Variants in SLC9A8 observed in about 807,000 individuals in gnomAD.
SLC9A8 encodes solute carrier family 9 member A8.
A neutral mutation model predicts 66.6 loss-of-function variants in SLC9A8; 48 were observed. The observed-to-expected ratio is 0.72, with a 90% CI of 0.57 to 0.92. SLC9A8 has a LOEUF of 0.92. Among genes scored for constraint, SLC9A8 ranks in the 40% least tolerant of loss-of-function variants. The pLI is 0.00. For synonymous variants in SLC9A8, 274 were observed against 282.6 expected (o/e 0.97, Z 0.31); for missense variants, 599 against 747.3 (o/e 0.80, Z 2.31).
intron 8 of SLC9A8, among the ~76,000 whole-genome samples, chr20:49,855,937 C>T (rs1212031674): frequency 1.3e-5 from 2 of 151,946 alleles, no homozygotes; most frequent in African/African-American, 2.4e-5. Flanking sequence ...CTTACAGGCA[C>T]GTGCCATCAC....
intron 10 of SLC9A8, among the ~76,000 whole-genome samples, chr20:49,865,738 C>T (rs1427920560): frequency 6.6e-6 from 1 of 152,200 alleles, no homozygotes; most frequent in Non-Finnish European, 1.5e-5. Context: ...AAGCTTGCGT[C>T]CACAGCTTGT....
At chr20:49,866,976 C>G (rs752645008) in intron 10 of SLC9A8, among the ~76,000 whole-genome samples, 26 of 152,172 alleles carry the variant, frequency 1.7e-4, no homozygotes, top group Non-Finnish European at 3.1e-4. Flanking sequence ...TTCCATTTCT[C>G]TCTTCATCAT....
intron 10 of SLC9A8, among the ~76,000 whole-genome samples, chr20:49,871,066 T>C (rs1233926756): frequency 6.6e-6 from 1 of 152,216 alleles, no homozygotes; most frequent in Non-Finnish European, 1.5e-5. Flanking sequence ...ATTGAAGTGT[T>C]AATAGTAGTT....
chr20:49,829,026 A>G (rs1600658268), intron 3 of SLC9A8: 1 of 142,090 alleles, frequency 7.0e-6, no homozygotes, highest in South Asian at 2.2e-4. Flanking sequence ...TTTGAGAGAG[A>G]GAGAACTTGT....
At chr20:49,823,009 A>C (rs1048927896) in intron 2 of SLC9A8, 52 bp from the exon 3 acceptor site, 2 of 1,449,562 alleles carry the variant, frequency 1.4e-6, no homozygotes, top group Admixed American at 3.4e-5. Flanking sequence ...GGTGTTTATC[A>C]TTCAGAATTG....
At position 49,856,333 on chromosome 20, in the gene SLC9A8, G is replaced by T. The variant is rs145086152; in HGVS notation, c.713+752G>T. On this transcript the variant is annotated intron_variant, in intron 8 of 15. Coordinates refer to ENST00000361573, the MANE Select transcript of SLC9A8 (RefSeq NM_015266.3). ...TTGGCAACAAAAGCAATAGACAGAG[G>T]CCCCACTAGCTGATGCATGTCACCT... Among the ~76,000 whole-genome samples, 4 of 152,270 alleles carry T rather than the reference G, an allele frequency of 2.6e-5. No individual in the cohort carries two copies. In the East Asian group the frequency reaches 5.8e-4, roughly 22 times the overall value.
At chr20:49,823,259 C>T in intron 3 of SLC9A8, 118 bp downstream of exon 3, 2 of 803,664 alleles carry the variant, frequency 2.5e-6, no homozygotes, top group East Asian at 2.5e-5. Flanking sequence ...TCATTTGATC[C>T]TCACTGCAAC....
At chr20:49,860,988 T>C (rs2088710102) in intron 8 of SLC9A8, among the ~76,000 whole-genome samples, 1 of 152,150 alleles carries the variant, frequency 6.6e-6, no homozygotes, top group Non-Finnish European at 1.5e-5. Context: ...TGGGCAGGCC[T>C]GCGTGAAGGG....
At chr20:49,885,062 C>T (rs2089839531) in intron 14 of SLC9A8, among the ~76,000 whole-genome samples, 1 of 152,236 alleles carries the variant, frequency 6.6e-6, no homozygotes, top group African/African-American at 2.4e-5. Flanking sequence ...CTCCAATCTC[C>T]ATGCTCAGCT....
At chr20:49,854,505 C>T (rs905139844) in intron 7 of SLC9A8, among the ~76,000 whole-genome samples, 4 of 152,044 alleles carry the variant, frequency 2.6e-5, no homozygotes, top group Non-Finnish European at 4.4e-5. Flanking sequence ...AAGTGGCTCC[C>T]ACACCCACAC....
At chr20:49,815,796 C>G (rs17723974) in intron 2 of SLC9A8, among the ~76,000 whole-genome samples, 7,914 of 151,576 alleles carry the variant, frequency 0.052, 244 homozygotes, top group Middle Eastern at 0.077. Flanking sequence ...AAGTTCTACT[C>G]AAAGGAGTAT....
At chr20:49,834,469 G>GTA (rs148411294) in intron 3 of SLC9A8, among the ~76,000 whole-genome samples, 1,082 of 70,534 alleles carry the variant, frequency 0.015, 53 homozygotes, top group African/African-American at 0.019. Flanking sequence ...TATATACTGT[G>GTA]TATATATATA....
rs913325746 is a variant in SLC9A8, at chr20:49,886,562, G to T, written c.1492-190G>T. 2 of 606,404 alleles carry T rather than the reference G, an allele frequency of 3.3e-6. No homozygotes were observed. Among genetic ancestry groups the T allele is most frequent in the Non-Finnish European group, 5.7e-6 (2 of 351,286 alleles). 37.6% of individuals were successfully genotyped at this position (606,404 alleles called of 1,614,324 possible). A position where few individuals can be genotyped will look rare whatever the true frequency, so the allele number is the denominator to read the frequency against. On this transcript the variant is annotated intron_variant, in intron 14 of 15. Transcript: ENST00000361573. This position sits in a 1 kb window ranked among gnomAD's most constrained non-coding sequence, Gnocchi z 4.8. ...CTAGGTGGGGTCCTGGGCATCCATTGTGCCCTGATGGACGTTCCTGCCTCC... is the reference window on the plus strand; with the variant it reads ...CTAGGTGGGGTCCTGGGCATCCATTTTGCCCTGATGGACGTTCCTGCCTCC...
At position 49,889,959 on chromosome 20, in the gene SLC9A8, C is replaced by T. The variant is rs1003610129; in HGVS notation, c.*2023C>T. On this transcript the variant is annotated 3_prime_UTR_variant, in exon 16 of 16. Coordinates refer to ENST00000361573, the MANE Select transcript of SLC9A8 (RefSeq NM_015266.3). ...CAGATCCCATTTCCGTCTGCCCCCTCGTCACCAGGTGTGATAGCCCCAGCC... is the reference window on the plus strand; with the variant it reads ...CAGATCCCATTTCCGTCTGCCCCCTTGTCACCAGGTGTGATAGCCCCAGCC... The T allele has an allele frequency of 1.3e-5, 2 of 152,256 alleles. No homozygotes were observed. Among genetic ancestry groups the T allele is most frequent in the South Asian group, 2.1e-4 (1 of 4,836 alleles). 9.4% of individuals were successfully genotyped at this position (152,256 alleles called of 1,614,324 possible).
At chr20:49,855,947 C>A (rs1169300500) in intron 8 of SLC9A8, among the ~76,000 whole-genome samples, 3 of 151,988 alleles carry the variant, frequency 2.0e-5, no homozygotes, top group African/African-American at 7.2e-5. Flanking sequence ...CGTGCCATCA[C>A]GCCCAGCTAA....
In SLC9A8 at chr20:49,888,528, C is replaced by T. The variant is rs560291867; in HGVS notation, c.*592C>T. 1.9e-5 allele frequency: 3 copies of T among 155,264 alleles called. No individual in the cohort carries two copies. The highest frequency in any genetic ancestry group is 4.3e-5 in the Non-Finnish European group (3 of 69,528). 9.6% of individuals were successfully genotyped at this position (155,264 alleles called of 1,614,324 possible). A position where few individuals can be genotyped will look rare whatever the true frequency, so the allele number is the denominator to read the frequency against. On this transcript the variant is annotated 3_prime_UTR_variant, in exon 16 of 16. Transcript: ENST00000361573. ...TTTGTCCTTTACCTGATTGGCACTT[C>T]GCAGTCTATCTCCCTGGGTAGCAGA...
intron 3 of SLC9A8, among the ~76,000 whole-genome samples, chr20:49,832,108 C>G (rs2087225025): frequency 6.6e-6 from 1 of 152,162 alleles, no homozygotes; most frequent in Non-Finnish European, 1.5e-5. Context: ...CTCCAGCCTG[C>G]CCTGCCAAGC....
chr20:49,832,303 C>G (rs115470887), intron 3 of SLC9A8, among the ~76,000 whole-genome samples: 1 of 152,170 alleles, frequency 6.6e-6, no homozygotes, highest in African/African-American at 2.4e-5. Context: ...TCATGGTCTT[C>G]GGTGCTTCCA....
chr20:49,864,794 T>A lies in SLC9A8; in HGVS notation c.908T>A (p.Ile303Asn). 6.2e-7 allele frequency: 1 copy of A among 1,614,162 alleles called. No homozygotes were observed. Among genetic ancestry groups the A allele is most frequent in the Non-Finnish European group, 8.5e-7 (1 of 1,179,982 alleles). ...CCTTCCTTGGAGTTTGGCATGATGA[T>A]CATTTTTGCTTATCTGCCTTATGGG... ...KTPSLEFGMM[I>N]IFAYLPYGLA... The change falls in exon 10 of 16, where the codon ATC (isoleucine) becomes AAC (asparagine). Residue 303 changes from isoleucine to asparagine, a missense_variant. By Grantham distance (149) the Ile-to-Asn change is moderately radical. This residue lies in a region of SLC9A8 where 467 missense variants were observed against 626.5 expected (regional missense o/e 0.75). Transcript: ENST00000361573.
Sources: gnomAD v4.1 joint callset for allele counts (sites outside exome capture counted in the v4.1 genomes callset) on GRCh38, gnomAD v4.1.1 for gene constraint, gnomAD v4.1.1 regional missense constraint, Gnocchi (gnomAD v3.1) non-coding constraint, MANE v1.5 for transcripts, NCBI Gene and HGNC (gene_info 2026-07-23, HGNC 2026-07-21) for gene names.